ATP2B2: variants seen among roughly 807,000 people sequenced by gnomAD.
The protein encoded by ATP2B2 is plasma membrane calcium-transporting ATPase 2.
A neutral mutation model predicts 120.0 loss-of-function variants in ATP2B2; 15 were observed. That is an observed-to-expected ratio of 0.12 (90% CI 0.08 to 0.19). The LOEUF is 0.19. Among genes scored for constraint, ATP2B2 ranks in the 10% least tolerant of loss-of-function variants. The pLI is 1.00. For synonymous variants in ATP2B2, 694 were observed against 700.3 expected, an observed-to-expected ratio of 0.99 and a Z score of 0.14; for missense variants, 1,045 against 1,719.8, an observed-to-expected ratio of 0.61 and a Z score of 6.94.
chr3:10,423,445 G>C (rs1417530587), intron 2 of ATP2B2, among the ~76,000 whole-genome samples: 1 of 152,192 alleles, frequency 6.6e-6, no homozygotes, highest in Non-Finnish European at 1.5e-5. Context: ...CGAGGGAAGG[G>C]AACAACGGCT....
intron 1 of ATP2B2, among the ~76,000 whole-genome samples, chr3:10,678,430 G>A (rs1327897970): frequency 6.6e-6 from 1 of 152,300 alleles, no homozygotes; most frequent in South Asian, 2.1e-4. Context: ...AGACAGGCAA[G>A]CTGCCCACAG....
At chr3:10,412,307 T>C (rs1041286273) in intron 2 of ATP2B2, among the ~76,000 whole-genome samples, 5 of 152,192 alleles carry the variant, frequency 3.3e-5, no homozygotes, top group Non-Finnish European at 7.3e-5. Flanking sequence ...GAACCTCTCA[T>C]GGAGGAAATT....
intron 14 of ATP2B2, among the ~76,000 whole-genome samples, chr3:10,357,144 T>C (rs1394585099): frequency 6.6e-6 from 1 of 152,168 alleles, no homozygotes; most frequent in Non-Finnish European, 1.5e-5. Flanking sequence ...TAATGAAATC[T>C]ACTGAAGAGG....
At chr3:10,488,353 T>C (rs71623101) in intron 1 of ATP2B2, among the ~76,000 whole-genome samples, 138,956 of 139,600 alleles carry the variant, frequency 1, 69,158 homozygotes, top group Admixed American at 1. Flanking sequence ...ATCCATTCAC[T>C]CACCCACAAA....
chr3:10,495,886 C>T (rs556929), intron 1 of ATP2B2, among the ~76,000 whole-genome samples: 109,036 of 152,208 alleles, frequency 0.72, 40,605 homozygotes, highest in African/African-American at 0.92. Context: ...GCAGGGCACC[C>T]GCAGTCGTAT....
chr3:10,561,645 G>A (rs1056633046), intron 2 of ATP2B2, among the ~76,000 whole-genome samples: 1 of 152,156 alleles, frequency 6.6e-6, no homozygotes, highest in Admixed American at 6.5e-5. Context: ...ACTGAATCAT[G>A]GGGGCAGTTT....
At chr3:10,480,844 A>T (rs1420135560) in intron 1 of ATP2B2, among the ~76,000 whole-genome samples, 1 of 152,246 alleles carries the variant, frequency 6.6e-6, no homozygotes, top group Non-Finnish European at 1.5e-5. Context: ...GGATCACATC[A>T]TTGTCCTGCT....
chr3:10,587,235 G>A (rs2125570589), intron 2 of ATP2B2, among the ~76,000 whole-genome samples: 1 of 152,128 alleles, frequency 6.6e-6, no homozygotes, highest in South Asian at 2.1e-4. Flanking sequence ...AGCCCAGGAG[G>A]TCCAGAGTGC....
Position 10,326,370 on chromosome 3 carries a change from G to A in ATP2B2, c.*2444C>T, listed in dbSNP as rs192867489. ...ACGCTAATGTTGGCATTCTTCCATC[G>A]CTCCCTGTTCCCTAAGCCAGGCTCC... is the stretch of plus-strand genomic sequence containing the variant. On this transcript the variant is annotated 3_prime_UTR_variant, in exon 23 of 23. Coordinates refer to ENST00000360273, the MANE Select transcript of ATP2B2 (RefSeq NM_001001331.4). 1.1e-3 allele frequency: 236 copies of A among 214,520 alleles called. No individual in the cohort carries two copies. Among genetic ancestry groups the A allele is most frequent in the Non-Finnish European group, 1.8e-3 (191 of 108,916 alleles). 13.3% of individuals were successfully genotyped at this position (214,520 alleles called of 1,614,324 possible).
At chr3:10,622,772 G>A (rs977162571) in intron 1 of ATP2B2, among the ~76,000 whole-genome samples, 1 of 152,194 alleles carries the variant, frequency 6.6e-6, no homozygotes, top group African/African-American at 2.4e-5. Context: ...GGGCTCAGGT[G>A]AGCCACTGCC....
chr3:10,606,118 TAAAAAC>T (rs201956453), intron 2 of ATP2B2, among the ~76,000 whole-genome samples: 1 of 151,940 alleles, frequency 6.6e-6, no homozygotes, highest in Non-Finnish European at 1.5e-5. Context: ...CTTTAATCTC[TAAAAAC>T]AAAAACAAAA....
intron 2 of ATP2B2, among the ~76,000 whole-genome samples, chr3:10,447,894 G>T (rs545231046): frequency 3.9e-5 from 6 of 152,252 alleles, no homozygotes; most frequent in Non-Finnish European, 7.3e-5. Context: ...CTAAACTTCT[G>T]CCTGGGCTCA....
intron 5 of ATP2B2, among the ~76,000 whole-genome samples, chr3:10,390,487 C>T (rs1360916847): frequency 7.5e-6 from 1 of 134,224 alleles, no homozygotes; most frequent in Admixed American, 7.4e-5. Flanking sequence ...TGTGTGTGTG[C>T]GTGCATGCTT....
intron 12 of ATP2B2, among the ~76,000 whole-genome samples, chr3:10,365,452 C>A (rs1368102496): frequency 1.3e-5 from 2 of 152,196 alleles, no homozygotes; most frequent in Non-Finnish European, 2.9e-5. Flanking sequence ...GGCCAGTGAG[C>A]CCTGGGGTCT....
intron 2 of ATP2B2, among the ~76,000 whole-genome samples, chr3:10,441,704 G>A (rs980434314): frequency 2.0e-5 from 3 of 152,222 alleles, no homozygotes; most frequent in African/African-American, 7.2e-5. Flanking sequence ...AAGAGTACAT[G>A]TGGCCCAAGC....
chr3:10,623,640 G>T lies in ATP2B2; in HGVS notation c.-459-3679C>A, dbSNP rs545274737. 7.9e-5 allele frequency among the ~76,000 whole-genome samples: 12 copies of T among 152,292 alleles called. No homozygotes were observed. The South Asian group carries it at 1.9e-3, about 24-fold the overall frequency. On this transcript the variant is annotated intron_variant, in intron 1 of 21. Transcript: ENST00000646379. Reference sequence around the variant, plus strand: ...CGGAAGGCCTGCCTGCATCCTGAAGGTCTCTCTAGGAAAACTGGGTGACAA... The same window carrying T: ...CGGAAGGCCTGCCTGCATCCTGAAGTTCTCTCTAGGAAAACTGGGTGACAA...
chr3:10,435,984 A>G (rs574782576), intron 2 of ATP2B2, among the ~76,000 whole-genome samples: 24 of 152,330 alleles, frequency 1.6e-4, no homozygotes, highest in Admixed American at 3.9e-4. Context: ...GGTCTCCCCA[A>G]CTGGGAAGAG....
Position 10,655,371 on chromosome 3 carries a change from T to C in ATP2B2, c.-459-35410A>G, listed in dbSNP as rs572219213. ...GGAAGCTTGTTAGAAATGCAAATTCTTGGGCCTCCCTCCAGACCTGCTCAA... is the reference window on the plus strand; with the variant it reads ...GGAAGCTTGTTAGAAATGCAAATTCCTGGGCCTCCCTCCAGACCTGCTCAA... On this transcript the variant is annotated intron_variant, in intron 1 of 21. Coordinates refer to the ATP2B2 transcript ENST00000646379. Among the ~76,000 whole-genome samples the C allele has an allele frequency of 3.4e-4, 52 of 152,314 alleles. 1 individual carries two copies. In the South Asian group the frequency reaches 0.01, roughly 30 times the overall value.
At chr3:10,591,568 C>G (rs1484741966) in intron 2 of ATP2B2, among the ~76,000 whole-genome samples, 1 of 152,202 alleles carries the variant, frequency 6.6e-6, no homozygotes, top group Non-Finnish European at 1.5e-5. Flanking sequence ...CCAAGCATGG[C>G]ATGTGCTCAC....
Sources: gnomAD v4.1 joint callset for allele counts (sites outside exome capture counted in the v4.1 genomes callset) on GRCh38, gnomAD v4.1.1 for gene constraint, MANE v1.5 for transcripts, NCBI Gene and HGNC (gene_info 2026-07-23, HGNC 2026-07-21) for gene names.